The following ZNF541 variants were observed in gnomAD, a reference collection of about 807,000 sequenced individuals.
ZNF541 encodes zinc finger protein 541.
ZNF541 carries 23 observed loss-of-function variants against 123.5 expected under a neutral mutation model. The observed-to-expected ratio is 0.19, with a 90% CI of 0.13 to 0.26. The LOEUF (loss-of-function observed/expected upper bound fraction) is 0.26, where lower values mean the gene tolerates loss of function less well. Among genes scored for constraint, ZNF541 ranks in the 10% least tolerant of loss-of-function variants. ZNF541 has a pLI of 1.00. For synonymous variants in ZNF541, 751 were observed against 754.5 expected (o/e 1.00, Z 0.08); for missense variants, 1,612 against 1,789.9 (o/e 0.90, Z 1.79).
chr19:47,568,887 G>A (rs1219588296), intron 2 of ZNF541, among the ~76,000 whole-genome samples: 2 of 152,066 alleles, frequency 1.3e-5, no homozygotes, highest in Non-Finnish European at 2.9e-5. Flanking sequence ...GGCCAGGCTG[G>A]TCTCAAACTC....
At chr19:47,558,290 C>T (rs1268811855) in intron 2 of ZNF541, among the ~76,000 whole-genome samples, 2 of 151,690 alleles carry the variant, frequency 1.3e-5, no homozygotes, top group Non-Finnish European at 2.9e-5. Flanking sequence ...GTGGTGGGCG[C>T]CTGTAGTCCC....
intron 12 of ZNF541, 54 bp from the exon 13 acceptor site, chr19:47,529,706 C>T: frequency 6.9e-7 from 1 of 1,454,448 alleles, no homozygotes; most frequent in Non-Finnish European, 9.4e-7. Flanking sequence ...AAGAGGACCA[C>T]AGGCATCCTC....
At chr19:47,571,245 T>C (rs903243904) in intron 2 of ZNF541, among the ~76,000 whole-genome samples, 5 of 151,898 alleles carry the variant, frequency 3.3e-5, no homozygotes, top group African/African-American at 1.2e-4. Flanking sequence ...TCCCAGTAGC[T>C]GGGACTACAG....
chr19:47,540,383 T>C (rs772347760), intron 6 of ZNF541, 48 bp from the exon 7 acceptor site: 86 of 1,482,730 alleles, frequency 5.8e-5, no homozygotes, highest in Non-Finnish European at 1.2e-5. Context: ...GACTCTGTCC[T>C]TGATCACTGA....
rs553869294 is a variant in ZNF541 at position 47,543,283 on chromosome 19, G to T, written c.2403+843C>A. Among the ~76,000 whole-genome samples the T allele has an allele frequency of 3.9e-5, 6 of 152,094 alleles. No individual in the cohort carries two copies. In the South Asian group the frequency reaches 6.2e-4, roughly 16 times the overall value. ...CCCAACTAATTTTTTTTAAATTTTGGTAGAGACAGGGTTTCGCCATGTTGC... is the reference window on the plus strand; with the variant it reads ...CCCAACTAATTTTTTTTAAATTTTGTTAGAGACAGGGTTTCGCCATGTTGC... On this transcript the variant is annotated intron_variant, in intron 5 of 16. Coordinates refer to ENST00000391901, the MANE Select transcript of ZNF541 (RefSeq NM_001277075.3).
chr19:47,570,167 G>C (rs767651704), intron 2 of ZNF541, among the ~76,000 whole-genome samples: 1 of 151,730 alleles, frequency 6.6e-6, no homozygotes, highest in Non-Finnish European at 1.5e-5. Context: ...CCAGCTACTC[G>C]GGAGGCTGAG....
intron 14 of ZNF541, 31 bp from the exon 15 acceptor site, chr19:47,522,025 G>T: frequency 6.5e-7 from 1 of 1,547,912 alleles, no homozygotes; most frequent in South Asian, 1.2e-5. Context: ...GGCTGTGGCT[G>T]TGCCACGCGG....
At chr19:47,542,235 G>A (rs1273231441) in intron 5 of ZNF541, among the ~76,000 whole-genome samples, 4 of 152,282 alleles carry the variant, frequency 2.6e-5, no homozygotes, top group Admixed American at 6.5e-5. Context: ...GGGGGAGGGC[G>A]AGATTGTGGG....
intron 2 of ZNF541, among the ~76,000 whole-genome samples, 126 bp downstream of exon 2, chr19:47,571,770 A>G (rs1205471520): frequency 2.0e-5 from 3 of 152,204 alleles, no homozygotes; most frequent in Non-Finnish European, 2.9e-5. Flanking sequence ...GACTTCTCCA[A>G]AGCAGTAACT....
At position 47,544,735 on chromosome 19, in the gene ZNF541, C is replaced by A. The variant is rs965014429; in HGVS notation, c.1794G>T (p.Pro598=). The A allele has an allele frequency of 2.0e-6, 3 of 1,498,428 alleles. No homozygotes were observed. Among genetic ancestry groups the A allele is most frequent in the Non-Finnish European group, 2.7e-6 (3 of 1,126,392 alleles). 92.8% of individuals were successfully genotyped at this position (1,498,428 alleles called of 1,614,324 possible). A position where few individuals can be genotyped will look rare whatever the true frequency, so the allele number is the denominator to read the frequency against. ...AALRPLQGPW[P]QQPPPLAPAV... is the part of the protein sequence containing the mutation. ...CAGGAGCCAGTGGTGGGGGCTGCTG[C>A]GGCCACGGCCCCTGCAGCGGCCTCA... Residue 598 remains proline (P), a synonymous_variant, in exon 5 of 17, where the codon CCG becomes CCT. Coordinates refer to ENST00000391901, the MANE Select transcript of ZNF541 (RefSeq NM_001277075.3).
chr19:47,567,749 A>G (rs1971323873), intron 2 of ZNF541, among the ~76,000 whole-genome samples: 1 of 151,678 alleles, frequency 6.6e-6, no homozygotes, highest in Admixed American at 6.6e-5. Flanking sequence ...AGCCCCCACC[A>G]CTCCCTATTC....
intron 2 of ZNF541, among the ~76,000 whole-genome samples, chr19:47,561,243 T>C (rs911361109): frequency 6.6e-6 from 1 of 152,034 alleles, no homozygotes. Context: ...GCCCAGGAGT[T>C]TGACAAAGTC....
Position 47,538,311 on chromosome 19 carries a change from C to T in ZNF541, c.2925G>A (p.Arg975=). ...GGCAGTCCACCAGGAACATGGGTGA[C>T]CGCAGGCGGCTCTGGTGGCATCCTG... ...GPAGCHQSRL[R]SPMFLVDCLL... The change falls in exon 9 of 17, where the codon CGG becomes CGA. Residue 975 remains arginine, a synonymous_variant. Transcript: ENST00000391901. 1 of 1,546,064 alleles carries T rather than the reference C, an allele frequency of 6.5e-7. No individual in the cohort carries two copies. Among genetic ancestry groups the T allele is most frequent in the South Asian group, 1.2e-5 (1 of 83,378 alleles).
In ZNF541 at chr19:47,521,251, T is replaced by C; in HGVS notation, c.4014A>G (p.Gly1338=). Residue 1338 remains glycine, a synonymous_variant, in exon 17 of 17, where the codon GGA becomes GGG. Coordinates refer to ENST00000391901, the MANE Select transcript of ZNF541 (RefSeq NM_001277075.3). This position sits in a 1 kb window ranked among gnomAD's most constrained non-coding sequence, Gnocchi z 4.2. The part of the protein sequence containing the change: ...KPFQLKEEEL[G]ADIGPLQW ...ACCACTGCAGGGGGCCGATGTCAGC[T>C]CCCAGCTCCTCTTCCTTTAGCTGGA... 2 of 1,551,702 alleles carry C rather than the reference T, an allele frequency of 1.3e-6. No individual in the cohort carries two copies. Among genetic ancestry groups the C allele is most frequent in the Non-Finnish European group, 1.7e-6 (2 of 1,146,980 alleles).
chr19:47,531,242 G>GTC (rs1568486372), intron 12 of ZNF541, among the ~76,000 whole-genome samples: 10 of 146,974 alleles, frequency 6.8e-5, no homozygotes, highest in African/African-American at 1.8e-4. Flanking sequence ...CGGGGGGGGG[G>GTC]GGGGGGGTCC....
Position 47,521,881 on chromosome 19 carries a change from C to T in ZNF541, c.3684G>A (p.Pro1228=), listed in dbSNP as rs761961309. The change falls in exon 15 of 17, where the codon CCG becomes CCA. Residue 1228 remains proline, a synonymous_variant. Transcript: ENST00000391901. The surrounding 1 kb of genome is among the most constrained non-coding windows in gnomAD (Gnocchi z 4.2). ...TTTCCTCTGTCCTTTCCACTTCCTC[C>T]GGCTCTCTCTTGACCCTCTTTTCTA... The part of the protein sequence containing the change: ...PGLEKRVKRE[P]EEVERTEEKV... 64 of 1,551,682 alleles carry T rather than the reference C, an allele frequency of 4.1e-5. No individual in the cohort carries two copies. In the East Asian group the frequency reaches 4.2e-4, roughly 10 times the overall value.
chr19:47,548,082 CAA>C lies in ZNF541; in HGVS notation c.548+1161_548+1162del, dbSNP rs1970432320. ...ATTTTGCTCCTGACACTTTTTAAGT[CAA>C]AAGTTAAAAGGAAAAGAATGAGTTT... On this transcript the variant is annotated intron_variant, in intron 4 of 16. Coordinates refer to ENST00000391901, the MANE Select transcript of ZNF541 (RefSeq NM_001277075.3). 3.6e-5 allele frequency among the ~76,000 whole-genome samples: 4 copies of C among 112,010 alleles called. No individual in the cohort carries two copies. The Admixed American group carries it at 3.6e-4, about 10-fold the overall frequency. The allele number at this position is 112,010 out of a possible 152,430, so 73.5% of individuals were successfully genotyped here.
chr19:47,540,564 C>A (rs1422591292), intron 6 of ZNF541, among the ~76,000 whole-genome samples: 1 of 151,938 alleles, frequency 6.6e-6, no homozygotes, highest in African/African-American at 2.4e-5. Flanking sequence ...CTCAGCCTCC[C>A]AAGTAGCTAA....
chr19:47,539,696 A>G lies in ZNF541; in HGVS notation c.2796+9T>C. 7.2e-7 allele frequency: 1 copy of G among 1,391,462 alleles called. No homozygotes were observed. Among genetic ancestry groups the G allele is most frequent in the Non-Finnish European group, 9.3e-7 (1 of 1,073,784 alleles). 86.2% of individuals were successfully genotyped at this position (1,391,462 alleles called of 1,614,324 possible). ...GTGGCAGGAAGGAGGCAGGCCGACA[A>G]GCACCCACCATGGCCATGCTCCCTA... On this transcript the variant is annotated intron_variant, in intron 8 of 16. Transcript: ENST00000391901.
Sources: gnomAD v4.1 joint callset for allele counts (sites outside exome capture counted in the v4.1 genomes callset) on GRCh38, gnomAD v4.1.1 for gene constraint, Gnocchi (gnomAD v3.1) non-coding constraint, MANE v1.5 for transcripts, NCBI Gene and HGNC (gene_info 2026-07-23, HGNC 2026-07-21) for gene names.